ZFHX3: variants seen among roughly 807,000 people sequenced by gnomAD.
The protein encoded by ZFHX3 is zinc finger homeobox protein 3.
ZFHX3 carries 42 observed loss-of-function variants against 279.1 expected under a neutral mutation model. That is an observed-to-expected ratio of 0.15 (90% CI 0.12 to 0.19). The LOEUF is 0.19. Among genes scored for constraint, ZFHX3 ranks in the 10% least tolerant of loss-of-function variants. The probability of loss-of-function intolerance (pLI) is 1.00; values close to 1 mark genes in which losing one functional copy is unlikely to be tolerated. For missense variants in ZFHX3, 4,981 were observed against 4,754.0 expected (o/e 1.05, Z -1.40); for synonymous variants, 2,293 against 1,957.8 (o/e 1.17, Z -4.52).
intron 1 of ZFHX3, among the ~76,000 whole-genome samples, chr16:73,747,798 G>A (rs766244574): frequency 1.8e-4 from 28 of 151,892 alleles, no homozygotes; most frequent in African/African-American, 2.9e-4. Context: ...AACCAAACAC[G>A]CACACACACA....
chr16:73,479,751 C>G (rs1187312854), intron 2 of ZFHX3, among the ~76,000 whole-genome samples: 1 of 152,136 alleles, frequency 6.6e-6, no homozygotes, highest in Non-Finnish European at 1.5e-5. Context: ...AGGGGAGGGT[C>G]CTGGAAAGCC....
At chr16:73,631,898 T>TTCTCTCTCTCTCTCTCTC (rs139812596) in intron 2 of ZFHX3, among the ~76,000 whole-genome samples, 3 of 130,276 alleles carry the variant, frequency 2.3e-5, no homozygotes, top group Admixed American at 7.9e-5. Context: ...TAGAGTGGGA[T>TTCTCTCTCTCTCTCTCTC]TCTCTCTCTC....
At chr16:73,085,582 A>G (rs1966001612) in intron 8 of ZFHX3, among the ~76,000 whole-genome samples, 1 of 152,232 alleles carries the variant, frequency 6.6e-6, no homozygotes, top group Non-Finnish European at 1.5e-5. Flanking sequence ...GCACTGGGCA[A>G]AGGACAGTCT....
intron 3 of ZFHX3, among the ~76,000 whole-genome samples, chr16:73,446,944 G>T (rs4888308): frequency 0.53 from 79,722 of 151,722 alleles, 23,207 homozygotes; most frequent in Non-Finnish European, 0.68. Flanking sequence ...ACTTTAGGAG[G>T]CCGAGGTGGG....
At chr16:73,487,882 G>C (rs1287089823) in intron 2 of ZFHX3, 1 of 152,658 alleles carries the variant, frequency 6.6e-6, no homozygotes, top group Admixed American at 6.5e-5. Context: ...GCAAAAAGCT[G>C]AGCCTAGCCT....
At chr16:73,367,196 C>T (rs139372206) in intron 3 of ZFHX3, among the ~76,000 whole-genome samples, 1,998 of 152,176 alleles carry the variant, frequency 0.013, 20 homozygotes, top group Non-Finnish European at 0.017. Context: ...CATTAAATCG[C>T]CACCCAATGC....
chr16:72,962,078 G>C (rs1012912613), intron 1 of ZFHX3, among the ~76,000 whole-genome samples: 1 of 152,220 alleles, frequency 6.6e-6, no homozygotes, highest in Admixed American at 6.5e-5. Context: ...CTGAAGGGGC[G>C]GGAGGGTTAA....
intron 5 of ZFHX3, among the ~76,000 whole-genome samples, chr16:73,242,701 C>T (rs887064082): frequency 6.6e-6 from 1 of 152,188 alleles, no homozygotes; most frequent in African/African-American, 2.4e-5. Context: ...AAGCTTATAA[C>T]TGATCATGCA....
At chr16:73,230,599 C>A (rs1348508425) in intron 5 of ZFHX3, among the ~76,000 whole-genome samples, 1 of 152,122 alleles carries the variant, frequency 6.6e-6, no homozygotes, top group African/African-American at 2.4e-5. Context: ...AAAGTCATCC[C>A]TTTTTGCCTC....
intron 1 of ZFHX3, among the ~76,000 whole-genome samples, chr16:73,785,265 T>C (rs1959609233): frequency 6.6e-6 from 1 of 152,244 alleles, no homozygotes; most frequent in African/African-American, 2.4e-5. Flanking sequence ...TTTTTGTTTT[T>C]CCAAGAGTTA....
At chr16:73,547,301 G>GAAGA (rs570324758) in intron 2 of ZFHX3, among the ~76,000 whole-genome samples, 1 of 151,854 alleles carries the variant, frequency 6.6e-6, no homozygotes, top group Non-Finnish European at 1.5e-5. Flanking sequence ...CGAAGGAAAG[G>GAAGA]AAGAAAGAAA....
At chr16:73,510,537 T>C (rs1311484077) in intron 2 of ZFHX3, among the ~76,000 whole-genome samples, 2 of 152,228 alleles carry the variant, frequency 1.3e-5, no homozygotes, top group Non-Finnish European at 2.9e-5. Flanking sequence ...ATATAGACTG[T>C]TTTGTTCACT....
chr16:73,429,602 G>A (rs559474512), intron 3 of ZFHX3, among the ~76,000 whole-genome samples: 2 of 152,182 alleles, frequency 1.3e-5, no homozygotes, highest in African/African-American at 4.8e-5. Context: ...CAAAGTGCTG[G>A]GATCACGGGC....
chr16:73,458,140 T>C (rs2018406439), intron 2 of ZFHX3, among the ~76,000 whole-genome samples: 1 of 152,198 alleles, frequency 6.6e-6, no homozygotes, highest in Non-Finnish European at 1.5e-5. Context: ...TAGAAATTAC[T>C]TTCAAACCCC....
At chr16:73,193,456 C>T (rs1968084654) in intron 5 of ZFHX3, among the ~76,000 whole-genome samples, 1 of 152,210 alleles carries the variant, frequency 6.6e-6, no homozygotes, top group Admixed American at 6.5e-5. Context: ...AGCTCTGCTG[C>T]TGCCCCTGGC....
At chr16:73,258,654 A>G (rs2013731293) in intron 4 of ZFHX3, among the ~76,000 whole-genome samples, 1 of 152,138 alleles carries the variant, frequency 6.6e-6, no homozygotes, top group Non-Finnish European at 1.5e-5. Context: ...GGCCACTATG[A>G]CATATTTTAA....
chr16:73,643,899 T>G (rs2052595273), intron 2 of ZFHX3, among the ~76,000 whole-genome samples: 1 of 152,206 alleles, frequency 6.6e-6, no homozygotes, highest in South Asian at 2.1e-4. Flanking sequence ...GCATATTTCT[T>G]GAAAGGATAA....
At position 72,793,468 on chromosome 16, in the gene ZFHX3, C is replaced by G; in HGVS notation, c.9214G>C (p.Val3072Leu). Residue 3072 changes from valine (V) to leucine (L), a missense_variant, in exon 9 of 10, where the codon GTA becomes CTA. Val to Leu is a conservative substitution (Grantham distance 32). This residue lies in a region of ZFHX3 where 168 missense variants were observed against 249.1 expected (regional missense o/e 0.67). Coordinates refer to ENST00000268489, the MANE Select transcript of ZFHX3 (RefSeq NM_006885.4). This position sits in a 1 kb window ranked among gnomAD's most constrained non-coding sequence, Gnocchi z 4.3. ...TCTTGTTGAGCCATCAACTGACGTA[C>G]GGTGGCTGGGTCAAAGTATTCTTTC... is the stretch of plus-strand genomic sequence containing the variant. ...KEKEYFDPAT[V>L]RQLMAQQELD... The G allele has an allele frequency of 6.2e-7, 1 of 1,614,178 alleles. No individual in the cohort carries two copies. The highest frequency in any genetic ancestry group is 8.5e-7 in the Non-Finnish European group (1 of 1,180,032).
chr16:73,311,946 C>T (rs2015338680), intron 4 of ZFHX3, among the ~76,000 whole-genome samples: 1 of 152,094 alleles, frequency 6.6e-6, no homozygotes, highest in Non-Finnish European at 1.5e-5. Flanking sequence ...GATGAGGTTG[C>T]TGAAAGAGTG....
Sources: gnomAD v4.1 joint callset for allele counts (sites outside exome capture counted in the v4.1 genomes callset) on GRCh38, gnomAD v4.1.1 for gene constraint, gnomAD v4.1.1 regional missense constraint, Gnocchi (gnomAD v3.1) non-coding constraint, MANE v1.5 for transcripts, NCBI Gene and HGNC (gene_info 2026-07-23, HGNC 2026-07-21) for gene names.